The following OSTN variants were observed in gnomAD, a reference collection of about 807,000 sequenced individuals.
The protein encoded by OSTN is osteocrin.
OSTN carries 9 observed loss-of-function variants against 12.0 expected under a neutral mutation model. The observed-to-expected ratio is 0.75, with a 90% CI of 0.45 to 1.30. The LOEUF (loss-of-function observed/expected upper bound fraction) is 1.30, where lower values mean the gene tolerates loss of function less well. Ranked by LOEUF, OSTN falls within the 50% of genes most tolerant of loss-of-function variation. OSTN has a pLI of 0.00. For missense variants in OSTN, 148 were observed against 152.3 expected, an observed-to-expected ratio of 0.97 and a Z score of 0.15; for synonymous variants, 59 against 56.9, an observed-to-expected ratio of 1.04 and a Z score of -0.16.
chr3:191,203,089 T>G (rs1714187244), intron 1 of OSTN, among the ~76,000 whole-genome samples: 1 of 152,222 alleles, frequency 6.6e-6, no homozygotes, highest in African/African-American at 2.4e-5. Context: ...ATGAACTTCA[T>G]CACATTTTAC....
intron 4 of OSTN, among the ~76,000 whole-genome samples, chr3:191,251,103 T>G (rs1427386864): frequency 6.6e-6 from 1 of 152,172 alleles, no homozygotes; most frequent in Non-Finnish European, 1.5e-5. Flanking sequence ...TATTAAGCAC[T>G]TATAATAGTA....
intron 1 of OSTN, among the ~76,000 whole-genome samples, chr3:191,210,649 A>G (rs2108589996): frequency 6.6e-6 from 1 of 152,324 alleles, no homozygotes. Flanking sequence ...AACATGACTC[A>G]AATCCAATCT....
At chr3:191,262,830 C>T (rs1715842487) in intron 4 of OSTN, 36 bp from the exon 5 acceptor site, 1 of 701,536 alleles carries the variant, frequency 1.4e-6, no homozygotes, top group East Asian at 2.7e-5. Flanking sequence ...ACAGAGTTCT[C>T]ATTAGCTTTA....
intron 3 of OSTN, among the ~76,000 whole-genome samples, chr3:191,232,330 C>CAA (rs1715078257): frequency 1.7e-5 from 1 of 60,576 alleles, no homozygotes; most frequent in African/African-American, 1.1e-4. Context: ...GAGACTCTGT[C>CAA]TAAAAAAAAA....
chr3:191,203,187 G>A (rs537763809), intron 1 of OSTN, among the ~76,000 whole-genome samples: 4 of 152,224 alleles, frequency 2.6e-5, no homozygotes, highest in South Asian at 2.1e-4. Context: ...TATCTGCCCC[G>A]CATTCCTGTT....
At chr3:191,202,636 G>C (rs186843982) in intron 1 of OSTN, among the ~76,000 whole-genome samples, 1 of 152,172 alleles carries the variant, frequency 6.6e-6, no homozygotes, top group Non-Finnish European at 1.5e-5. Context: ...AGTGAAGGGG[G>C]TCGTGAAATT....
intron 3 of OSTN, among the ~76,000 whole-genome samples, chr3:191,248,701 G>A (rs1715492089): frequency 6.6e-6 from 1 of 152,182 alleles, no homozygotes. Flanking sequence ...AATCCCAGCA[G>A]TTCAGGACGC....
chr3:191,232,750 G>A (rs928376940), intron 3 of OSTN, among the ~76,000 whole-genome samples: 1 of 151,700 alleles, frequency 6.6e-6, no homozygotes, highest in Non-Finnish European at 1.5e-5. Context: ...ATAGGCATGG[G>A]ATTATAGGTG....
intron 3 of OSTN, among the ~76,000 whole-genome samples, chr3:191,219,634 T>G (rs1351813187): frequency 1.3e-5 from 2 of 152,216 alleles, no homozygotes; most frequent in East Asian, 3.8e-4. Flanking sequence ...CATTCCAAAC[T>G]TAGTTCATTT....
At chr3:191,248,136 C>T (rs1380137978) in intron 3 of OSTN, among the ~76,000 whole-genome samples, 7 of 152,014 alleles carry the variant, frequency 4.6e-5, no homozygotes, top group African/African-American at 1.4e-4. Context: ...GCCGGGCCTC[C>T]GAGACCTTTA....
intron 4 of OSTN, among the ~76,000 whole-genome samples, chr3:191,261,456 A>C (rs1715808633): frequency 6.6e-6 from 1 of 152,170 alleles, no homozygotes; most frequent in Non-Finnish European, 1.5e-5. Flanking sequence ...TGTTATGTAG[A>C]TAAAACCCAG....
At chr3:191,216,396 C>T (rs1714613744) in intron 2 of OSTN, among the ~76,000 whole-genome samples, 1 of 152,236 alleles carries the variant, frequency 6.6e-6, no homozygotes, top group African/African-American at 2.4e-5. Context: ...TAGCATTTGG[C>T]TCCTAGTTAC....
At chr3:191,231,576 C>G (rs996637265) in intron 3 of OSTN, among the ~76,000 whole-genome samples, 6 of 152,108 alleles carry the variant, frequency 3.9e-5, no homozygotes, top group African/African-American at 1.4e-4. Context: ...GTTGTTAGAT[C>G]TTTCACAAGA....
chr3:191,236,182 ACTTCCC>A (rs1405483917), intron 3 of OSTN, among the ~76,000 whole-genome samples: 1 of 152,232 alleles, frequency 6.6e-6, no homozygotes, highest in East Asian at 1.9e-4. Context: ...AAAACGAAAT[ACTTCCC>A]ACATACTTTC....
chr3:191,220,769 T>G (rs10048935), intron 3 of OSTN, among the ~76,000 whole-genome samples: 31,014 of 152,164 alleles, frequency 0.2, 3,726 homozygotes, highest in Middle Eastern at 0.45. Context: ...CTCCTGGATA[T>G]TTCAACATGG....
chr3:191,263,123 AAAT>A lies in OSTN; in HGVS notation c.*277_*279del. ...ACTTCCCCTTAAACCTTACTTTTAAAAATAATAATTAAATACACAATACAGTGA... is the reference window on the plus strand; with the variant it reads ...ACTTCCCCTTAAACCTTACTTTTAAAAATAATTAAATACACAATACAGTGA... On this transcript the variant is annotated 3_prime_UTR_variant, in exon 5 of 5. Coordinates refer to ENST00000682035, the MANE Select transcript of OSTN (RefSeq NM_198184.2). The A allele has an allele frequency of 2.3e-6, 1 of 434,452 alleles. No homozygotes were observed. 26.9% of individuals were successfully genotyped at this position (434,452 alleles called of 1,614,324 possible).
intron 3 of OSTN, among the ~76,000 whole-genome samples, chr3:191,249,141 T>C (rs924751942): frequency 6.6e-6 from 1 of 151,374 alleles, no homozygotes. Context: ...CCAGTTACCT[T>C]TTCTGTGAGA....
intron 3 of OSTN, among the ~76,000 whole-genome samples, chr3:191,228,944 A>G (rs1714980629): frequency 6.6e-6 from 1 of 152,228 alleles, no homozygotes; most frequent in African/African-American, 2.4e-5. Context: ...TAGCATCACA[A>G]GAAGAAAACA....
Position 191,250,135 on chromosome 3 carries a change from TG to T in OSTN, c.*12+3del. On this transcript the variant is annotated splice_donor_region_variant and intron_variant, in intron 4 of 4. Coordinates refer to ENST00000682035, the MANE Select transcript of OSTN (RefSeq NM_198184.2). ...TCCAGAGGCTAATTGATTCCAATTG[TG>T]AGTACAATTTGAATAAGTAACAGTA... The T allele has an allele frequency of 6.3e-7, 1 of 1,580,178 alleles. No individual in the cohort carries two copies. The highest frequency in any genetic ancestry group is 8.7e-7 in the Non-Finnish European group (1 of 1,149,206).
Sources: gnomAD v4.1 joint callset for allele counts (sites outside exome capture counted in the v4.1 genomes callset) on GRCh38, gnomAD v4.1.1 for gene constraint, MANE v1.5 for transcripts, NCBI Gene and HGNC (gene_info 2026-07-23, HGNC 2026-07-21) for gene names.